PISD: variants seen among roughly 807,000 people sequenced by gnomAD.
PISD encodes phosphatidylserine decarboxylase proenzyme, mitochondrial.
PISD carries 31 observed loss-of-function variants against 43.5 expected under a neutral mutation model. The ratio of observed to expected loss-of-function variants is 0.71; its 90% CI spans 0.54 to 0.96. The LOEUF is 0.96. Among genes scored for constraint, PISD ranks in the 40% least tolerant of loss-of-function variants. The pLI is 0.00. For synonymous variants in PISD, 259 were observed against 228.7 expected (o/e 1.13, Z -1.20); for missense variants, 523 against 548.4 (o/e 0.95, Z 0.46).
At chr22:31,662,317 G>A, upstream of PISD, 1 of 1,161,464 alleles carries the variant, frequency 8.6e-7, no homozygotes, top group East Asian at 2.3e-5. Flanking sequence ...GCGGGTTGGG[G>A]GCGGAGCCGA....
rs764413071 is a variant in PISD, at chr22:31,621,316, G to C, written c.697+18C>G. ...CACAGCAGCAGGGCTGCCTAGCCCC[G>C]CCTGTGCAGTGACCCACCTGGTGGG... On this transcript the variant is annotated intron_variant, in intron 5 of 7. Transcript: ENST00000439502. The C allele has an allele frequency of 6.2e-7, 1 of 1,613,812 alleles. No homozygotes were observed. The highest frequency in any genetic ancestry group is 2.2e-5 in the East Asian group (1 of 44,872).
rs768749210 is a variant in PISD, at chr22:31,620,620, T to G, written c.938A>C (p.His313Pro). The G allele has an allele frequency of 6.2e-7, 1 of 1,614,200 alleles. No individual in the cohort carries two copies. Among genetic ancestry groups the G allele is most frequent in the Non-Finnish European group, 8.5e-7 (1 of 1,180,032 alleles). ...ERVVLTGDWK[H>P]GFFSLTAVGA... ...CACAGCTGTCAGTGAGAAGAAGCCATGTTTCCAGTCCCCCGTCAGGACCAC... is the reference window on the plus strand; with the variant it reads ...CACAGCTGTCAGTGAGAAGAAGCCAGGTTTCCAGTCCCCCGTCAGGACCAC... Residue 313 changes from histidine to proline, a missense_variant, in exon 7 of 8, where the codon CAT becomes CCT. By Grantham distance (77) the His-to-Pro change is moderately conservative. Coordinates refer to ENST00000439502, the MANE Select transcript of PISD (RefSeq NM_001326411.2).
At chr22:31,622,505 T>C (rs1169884743) in intron 3 of PISD, among the ~76,000 whole-genome samples, 1 of 152,142 alleles carries the variant, frequency 6.6e-6, no homozygotes, top group Non-Finnish European at 1.5e-5. Context: ...CAGCCAGCAC[T>C]CTTGAGGGCC....
intron 1 of PISD, among the ~76,000 whole-genome samples, chr22:31,656,909 G>GT (rs2074195905): frequency 1.3e-5 from 2 of 152,072 alleles, no homozygotes; most frequent in Non-Finnish European, 2.9e-5. Context: ...CCTCAGTGCA[G>GT]TTTTTCCTGA....
At chr22:31,626,525 G>C (rs1355829127) in intron 3 of PISD, among the ~76,000 whole-genome samples, 2 of 151,570 alleles carry the variant, frequency 1.3e-5, no homozygotes, top group Non-Finnish European at 2.9e-5. Context: ...TCCTGGCCTT[G>C]ACCCCCCACC....
chr22:31,635,523 A>C (rs1402125209), intron 3 of PISD, among the ~76,000 whole-genome samples: 5 of 152,122 alleles, frequency 3.3e-5, no homozygotes, highest in Non-Finnish European at 1.5e-5. Flanking sequence ...GGCTCATCTC[A>C]AACTCCTGAC....
At chr22:31,629,075 G>C in intron 3 of PISD, 20 of 985,488 alleles carry the variant, frequency 2.0e-5, no homozygotes, top group Non-Finnish European at 2.3e-5. Flanking sequence ...TACCAGAGCA[G>C]TAAGGCAGTG....
intron 1 of PISD, among the ~76,000 whole-genome samples, chr22:31,656,969 T>C (rs1455236734): frequency 6.6e-6 from 1 of 152,162 alleles, no homozygotes. Context: ...TTCTTAATTT[T>C]TAAAAAAAAT....
intron 7 of PISD, 48 bp from the exon 8 acceptor site, chr22:31,619,884 C>A: frequency 8.1e-7 from 1 of 1,236,352 alleles, no homozygotes; most frequent in South Asian, 1.3e-5. Context: ...ACCAAGTGCA[C>A]AGTGTCACCC....
chr22:31,658,325 TTAAC>T, intron 1 of PISD, among the ~76,000 whole-genome samples: 1 of 152,318 alleles, frequency 6.6e-6, no homozygotes, highest in East Asian at 1.9e-4. Flanking sequence ...AGGAAATTTC[TTAAC>T]TAATCTTAAG....
intron 4 of PISD, 77 bp from the exon 5 acceptor site, chr22:31,621,549 G>A (rs1464130630): frequency 1.0e-5 from 16 of 1,601,664 alleles, no homozygotes; most frequent in Non-Finnish European, 1.4e-5. Flanking sequence ...ACCTCCCCTT[G>A]TCATCCTGCC....
chr22:31,646,864 C>G (rs957861981), intron 3 of PISD, among the ~76,000 whole-genome samples: 16 of 151,998 alleles, frequency 1.1e-4, no homozygotes, highest in African/African-American at 3.4e-4. Flanking sequence ...TGATATAGTA[C>G]CGGAAAACTT....
At chr22:31,656,405 C>T (rs1287518844) in intron 1 of PISD, among the ~76,000 whole-genome samples, 5 of 151,614 alleles carry the variant, frequency 3.3e-5, no homozygotes, top group Admixed American at 1.3e-4. Context: ...ACTCCCAGCA[C>T]GTTGGAAGGC....
At chr22:31,657,581 G>C (rs1344633913) in intron 1 of PISD, among the ~76,000 whole-genome samples, 1 of 152,006 alleles carries the variant, frequency 6.6e-6, no homozygotes, top group African/African-American at 2.4e-5. Context: ...GGAGTGCAAT[G>C]GCGCAATCTC....
In PISD at chr22:31,619,786, G is replaced by A; in HGVS notation, c.1056C>T (p.Phe352=). The stretch of plus-strand genomic sequence containing the variant: ...CTCTATTGGTGTGCGTCACGAAGCT[G>A]AAGTCATTGTAGGAGCCCTTGCTGT... ...PRHSKGSYND[F]SFVTHTNREG... The change falls in exon 8 of 8, where the codon TTC becomes TTT. Residue 352 remains phenylalanine (F), a synonymous_variant. Transcript: ENST00000439502. 1 of 1,614,240 alleles carries A rather than the reference G, an allele frequency of 6.2e-7. No homozygotes were observed. The highest frequency in any genetic ancestry group is 8.5e-7 in the Non-Finnish European group (1 of 1,180,040).
At chr22:31,652,487 T>C (rs1337378510) in intron 1 of PISD, among the ~76,000 whole-genome samples, 1 of 151,984 alleles carries the variant, frequency 6.6e-6, no homozygotes, top group African/African-American at 2.4e-5. Flanking sequence ...GTACTTTCCT[T>C]TTTTCACATA....
intron 3 of PISD, among the ~76,000 whole-genome samples, chr22:31,627,637 C>G (rs564926553): frequency 1.3e-5 from 2 of 152,244 alleles, no homozygotes; most frequent in Admixed American, 1.3e-4. Context: ...GGGAGGCAAG[C>G]GTGGCCTTGA....
Position 31,621,142 on chromosome 22 carries a change from G to A in PISD, c.698C>T (p.Ala233Val). The A allele has an allele frequency of 6.2e-7, 1 of 1,614,176 alleles. No individual in the cohort carries two copies. Among genetic ancestry groups the A allele is most frequent in the Non-Finnish European group, 8.5e-7 (1 of 1,180,040 alleles). Residue 233 changes from alanine (A) to valine (V), a missense_variant and splice_region_variant, in exon 6 of 8, where the codon GCC (alanine) becomes GTC (valine). Coordinates refer to ENST00000439502, the MANE Select transcript of PISD (RefSeq NM_001326411.2). ...MCTEDLPFPP[A>V]ASCDSFKNQL... ...GTTCTTGAAGGAGTCACACGACGCG[G>A]CTGTGGAGTAGGAGCAGACGTGGGG...
chr22:31,659,828 C>G (rs1246076579), intron 1 of PISD, among the ~76,000 whole-genome samples: 2 of 152,064 alleles, frequency 1.3e-5, no homozygotes, highest in African/African-American at 4.8e-5. Context: ...ATGATCCACC[C>G]ACCTTGGCCT....
Sources: gnomAD v4.1 joint callset for allele counts (sites outside exome capture counted in the v4.1 genomes callset) on GRCh38, gnomAD v4.1.1 for gene constraint, MANE v1.5 for transcripts, NCBI Gene and HGNC (gene_info 2026-07-23, HGNC 2026-07-21) for gene names.